The following C1QTNF3 variants were observed in gnomAD, a reference collection of about 807,000 sequenced individuals.
The protein encoded by C1QTNF3 is complement C1q tumor necrosis factor-related protein 3.
Under a neutral mutation model 32.6 loss-of-function variants are expected in C1QTNF3, and 26 were observed. The observed-to-expected ratio is 0.80, with a 90% confidence interval of 0.58 to 1.11. The LOEUF (loss-of-function observed/expected upper bound fraction) is 1.11, where lower values mean the gene tolerates loss of function less well. Ranked by LOEUF, C1QTNF3 falls within the 50% of genes least tolerant of loss-of-function variation. C1QTNF3 has a pLI of 0.00. For synonymous variants in C1QTNF3, 155 were observed against 146.0 expected, an observed-to-expected ratio of 1.06 and a Z score of -0.44; for missense variants, 362 against 398.2, an observed-to-expected ratio of 0.91 and a Z score of 0.77.
the C1QTNF3 span, among the ~76,000 whole-genome samples, chr5:34,075,850 C>T: frequency 6.7e-6 from 1 of 149,264 alleles, no homozygotes; most frequent in Non-Finnish European, 1.5e-5. Context: ...AGGTGTCACA[C>T]AGTCAATGAA....
chr5:34,026,370 C>T (rs1478619767), intron 4 of C1QTNF3, among the ~76,000 whole-genome samples: 1 of 145,970 alleles, frequency 6.9e-6, no homozygotes, highest in Non-Finnish European at 1.5e-5. Context: ...TGAGCGGAAG[C>T]AAGGCTGTGT....
At chr5:34,057,816 G>A in the C1QTNF3 span, among the ~76,000 whole-genome samples, 1 of 152,170 alleles carries the variant, frequency 6.6e-6, no homozygotes, top group Non-Finnish European at 1.5e-5. Context: ...TGTGAAGTAG[G>A]CCAGGAGGTG....
chr5:34,208,658 C>G, the C1QTNF3 span, among the ~76,000 whole-genome samples: 1 of 151,928 alleles, frequency 6.6e-6, no homozygotes, highest in Non-Finnish European at 1.5e-5. Flanking sequence ...AATTGTCTCT[C>G]AAAATAACAG....
At chr5:34,174,717 G>A in the C1QTNF3 span, among the ~76,000 whole-genome samples, 2 of 152,084 alleles carry the variant, frequency 1.3e-5, no homozygotes, top group East Asian at 1.9e-4. Flanking sequence ...TCCACCCTAC[G>A]TGAGAGCACA....
chr5:34,208,154 T>C, the C1QTNF3 span, among the ~76,000 whole-genome samples: 1 of 152,228 alleles, frequency 6.6e-6, no homozygotes, highest in African/African-American at 2.4e-5. Flanking sequence ...TGTCCATAAT[T>C]TCTTTAGGTC....
the C1QTNF3 span, chr5:34,244,672 G>GT: frequency 5.3e-5 from 8 of 152,038 alleles, no homozygotes; most frequent in African/African-American, 1.4e-4. Context: ...GCTAGACGTA[G>GT]TAAGTTCTCC....
At chr5:34,062,014 C>T in the C1QTNF3 span, among the ~76,000 whole-genome samples, 1 of 152,202 alleles carries the variant, frequency 6.6e-6, no homozygotes, top group Non-Finnish European at 1.5e-5. Flanking sequence ...ATGCCTTTAG[C>T]AGCCCCCAAG....
At chr5:34,077,508 A>AT in the C1QTNF3 span, among the ~76,000 whole-genome samples, 1 of 151,758 alleles carries the variant, frequency 6.6e-6, no homozygotes, top group East Asian at 1.9e-4. Flanking sequence ...TTGCTGACCC[A>AT]TTTGTTCATG....
chr5:34,091,407 A>T, the C1QTNF3 span, among the ~76,000 whole-genome samples: 1 of 152,130 alleles, frequency 6.6e-6, no homozygotes, highest in South Asian at 2.1e-4. Flanking sequence ...CTTTGCCTGG[A>T]CCACCACCAC....
At chr5:34,161,948 A>AT in the C1QTNF3 span, among the ~76,000 whole-genome samples, 9 of 151,914 alleles carry the variant, frequency 5.9e-5, no homozygotes, top group Admixed American at 2.6e-4. Context: ...TTTTTTAACG[A>AT]TTTTTTTTCT....
the C1QTNF3 span, among the ~76,000 whole-genome samples, chr5:34,169,909 G>C: frequency 6.6e-6 from 1 of 151,962 alleles, no homozygotes; most frequent in Non-Finnish European, 1.5e-5. Context: ...ATTACCACGC[G>C]ATCCAGCACT....
the C1QTNF3 span, among the ~76,000 whole-genome samples, chr5:34,196,204 T>G: frequency 6.6e-6 from 1 of 152,310 alleles, no homozygotes; most frequent in South Asian, 2.1e-4. Flanking sequence ...TGGAGTACAG[T>G]GGTGCGATCA....
At chr5:34,118,835 G>A in the C1QTNF3 span, among the ~76,000 whole-genome samples, 1 of 151,858 alleles carries the variant, frequency 6.6e-6, no homozygotes, top group Non-Finnish European at 1.5e-5. Context: ...ACATTGAAAA[G>A]GTTACAATCG....
At chr5:34,025,333 A>G (rs992552025) in intron 4 of C1QTNF3, among the ~76,000 whole-genome samples, 3 of 152,266 alleles carry the variant, frequency 2.0e-5, no homozygotes, top group East Asian at 3.8e-4. Context: ...ACAGGAAAAT[A>G]TACTAGTTTT....
chr5:34,063,152 T>C, the C1QTNF3 span, among the ~76,000 whole-genome samples: 1 of 152,194 alleles, frequency 6.6e-6, no homozygotes, highest in Non-Finnish European at 1.5e-5. Context: ...TTAAAGGTTT[T>C]AAATTGATCC....
the C1QTNF3 span, among the ~76,000 whole-genome samples, chr5:34,093,376 TTTAA>T: frequency 1.7e-5 from 2 of 119,398 alleles, no homozygotes; most frequent in Non-Finnish European, 3.4e-5. Flanking sequence ...ATTTTTTCTG[TTTAA>T]TTATTCTTCT....
chr5:34,142,319 C>A, the C1QTNF3 span, among the ~76,000 whole-genome samples: 1 of 151,812 alleles, frequency 6.6e-6, no homozygotes, highest in Non-Finnish European at 1.5e-5. Flanking sequence ...GTAGTCCCAG[C>A]TACTTGGGAG....
chr5:34,085,758 A>G, the C1QTNF3 span, among the ~76,000 whole-genome samples: 1 of 151,822 alleles, frequency 6.6e-6, no homozygotes, highest in Non-Finnish European at 1.5e-5. Context: ...CATGCCAGTT[A>G]GAATGGCTAT....
chr5:34,020,233 G>C lies in C1QTNF3; in HGVS notation c.*350C>G. ...AAACTTCAGGGGTTCCTGAAAACTGGTATTAAATTAAAAGCAGAGTAGTCA... is the reference window on the plus strand; with the variant it reads ...AAACTTCAGGGGTTCCTGAAAACTGCTATTAAATTAAAAGCAGAGTAGTCA... On this transcript the variant is annotated 3_prime_UTR_variant, in exon 6 of 6. Coordinates refer to ENST00000382065, the MANE Select transcript of C1QTNF3 (RefSeq NM_181435.6). 1 of 188,826 alleles carries C rather than the reference G, an allele frequency of 5.3e-6. No individual in the cohort carries two copies. The highest frequency in any genetic ancestry group is 5.4e-5 in the Admixed American group (1 of 18,594). 11.7% of individuals were successfully genotyped at this position (188,826 alleles called of 1,614,324 possible).
Sources: gnomAD v4.1 joint callset for allele counts (sites outside exome capture counted in the v4.1 genomes callset) on GRCh38, gnomAD v4.1.1 for gene constraint, MANE v1.5 for transcripts, NCBI Gene and HGNC (gene_info 2026-07-23, HGNC 2026-07-21) for gene names.